Variants in PCDH11X observed in about 807,000 individuals in gnomAD.
PCDH11X encodes the protein protocadherin-11 X-linked.
In PCDH11X, 18 loss-of-function variants were observed where a neutral mutation model predicts 53.3. That is an observed-to-expected ratio of 0.34 (90% CI 0.23 to 0.50). PCDH11X has a LOEUF of 0.50. PCDH11X is among the 20% of genes least tolerant of loss of function. The pLI is 0.98. For synonymous variants in PCDH11X, 279 were observed against 393.3 expected, an observed-to-expected ratio of 0.71 and a Z score of 3.44; for missense variants, 570 against 1,032.4, an observed-to-expected ratio of 0.55 and a Z score of 6.14.
At chrX:92,141,569 G>A (rs1317841414) in intron 6 of PCDH11X, among the ~76,000 whole-genome samples, 4 of 111,776 alleles carry the variant, frequency 3.6e-5, no homozygotes, top group Non-Finnish European at 5.6e-5. Context: ...GATACTTGAC[G>A]AAACAGAAAG....
intron 8 of PCDH11X, among the ~76,000 whole-genome samples, chrX:92,332,626 T>C (rs372589718): frequency 3.7e-4 from 42 of 112,401 alleles, no homozygotes; most frequent in African/African-American, 9.7e-4. Flanking sequence ...AATGACAACT[T>C]ATCCTTACCA....
Position 92,122,026 on chromosome X carries a change from C to G in PCDH11X, c.3034-79349C>G, listed in dbSNP as rs762280394. Reference sequence around the variant, plus strand: ...TGAAACAGAGTCTCACTCTTGTTGCCGAGGCTGGAGAGCAGTGGCACGATC... The same window carrying G: ...TGAAACAGAGTCTCACTCTTGTTGCGGAGGCTGGAGAGCAGTGGCACGATC... On this transcript the variant is annotated intron_variant, in intron 6 of 10. Coordinates refer to ENST00000682573, the MANE Select transcript of PCDH11X (RefSeq NM_032968.5). Among the ~76,000 whole-genome samples the G allele has an allele frequency of 1.7e-4, 17 of 100,651 alleles. No individual in the cohort carries two copies. The East Asian group carries it at 4.0e-3, about 24-fold the overall frequency. 87.4% of individuals were successfully genotyped at this position (100,651 alleles called of 115,157 possible). A position where few individuals can be genotyped will look rare whatever the true frequency, so the allele number is the denominator to read the frequency against.
intron 7 of PCDH11X, among the ~76,000 whole-genome samples, chrX:92,247,173 A>G (rs771008868): frequency 8.9e-4 from 100 of 111,987 alleles, no homozygotes; most frequent in African/African-American, 3.1e-3. Flanking sequence ...AAGCTTGCAC[A>G]TAGTACCAAA....
At chrX:92,101,442 G>A (rs890712493) in intron 6 of PCDH11X, among the ~76,000 whole-genome samples, 2 of 111,427 alleles carry the variant, frequency 1.8e-5, no homozygotes, top group African/African-American at 6.5e-5. Flanking sequence ...AGCTTGGTGA[G>A]GTGTGTTTTT....
At chrX:92,221,302 C>T (rs1216807249) in intron 7 of PCDH11X, among the ~76,000 whole-genome samples, 5 of 104,448 alleles carry the variant, frequency 4.8e-5, no homozygotes, top group South Asian at 4.5e-4. Context: ...CACACACACA[C>T]ACACACACAC....
chrX:92,104,913 C>T (rs1391819522), intron 6 of PCDH11X, among the ~76,000 whole-genome samples: 1 of 110,403 alleles, frequency 9.1e-6, no homozygotes, highest in South Asian at 3.9e-4. Flanking sequence ...CCTAGGAAAG[C>T]GGGACTTGCC....
chrX:91,891,569 T>C (rs1275073697), intron 6 of PCDH11X, among the ~76,000 whole-genome samples: 1 of 101,316 alleles, frequency 9.9e-6, no homozygotes, highest in East Asian at 3.2e-4. Context: ...AGTTTTAGTT[T>C]CGTGCGTTTT....
At chrX:92,552,692 A>T (rs2074979626) in intron 10 of PCDH11X, among the ~76,000 whole-genome samples, 1 of 110,800 alleles carries the variant, frequency 9.0e-6, no homozygotes. Flanking sequence ...CTTTTATTGC[A>T]TTGATGTATG....
intron 8 of PCDH11X, among the ~76,000 whole-genome samples, chrX:92,266,758 A>G (rs1386078021): frequency 1.1e-5 from 1 of 90,274 alleles, no homozygotes; most frequent in Non-Finnish European, 2.1e-5. Context: ...TTTTTTTTTT[A>G]TGTGGAGACA....
intron 10 of PCDH11X, among the ~76,000 whole-genome samples, chrX:92,561,175 T>G (rs1215493267): frequency 3.8e-5 from 4 of 104,207 alleles, no homozygotes; most frequent in Non-Finnish European, 7.8e-5. Flanking sequence ...CTGGATAGCC[T>G]TACCAAGAAG....
chrX:92,084,262 T>C (rs1423401200), intron 6 of PCDH11X, among the ~76,000 whole-genome samples: 3 of 110,415 alleles, frequency 2.7e-5, no homozygotes, highest in Admixed American at 9.7e-5. Flanking sequence ...TTTGGAAGAG[T>C]TCGGGCCGGG....
intron 8 of PCDH11X, among the ~76,000 whole-genome samples, chrX:92,341,474 G>A (rs996968636): frequency 4.5e-5 from 5 of 111,360 alleles, no homozygotes; most frequent in Admixed American, 9.6e-5. Context: ...AGGTTTAATC[G>A]GCTCACAGTT....
chrX:91,830,387 T>A (rs5984829), intron 4 of PCDH11X, among the ~76,000 whole-genome samples: 13,215 of 111,345 alleles, frequency 0.12, 1,954 homozygotes, highest in African/African-American at 0.41. Flanking sequence ...CAAACCAGTC[T>A]TATAATTACT....
In PCDH11X at chrX:92,495,846, C is replaced by T. The variant is rs147808241; in HGVS notation, c.3367+27524C>T. Among the ~76,000 whole-genome samples the T allele has an allele frequency of 5.4e-3, 573 of 106,131 alleles. 52 individuals carry two copies. The highest frequency in any genetic ancestry group is 0.02 in the African/African-American group (546 of 26,922). The allele number at this position is 106,131 out of a possible 115,157, so 92.2% of individuals were successfully genotyped here. ...TGAGACTTACTCACTACCACAAGAGCGGTATGGGGGAAACTGCCCACATGA... is the reference window on the plus strand; with the variant it reads ...TGAGACTTACTCACTACCACAAGAGTGGTATGGGGGAAACTGCCCACATGA... On this transcript the variant is annotated intron_variant, in intron 10 of 10. Coordinates refer to ENST00000682573, the MANE Select transcript of PCDH11X (RefSeq NM_032968.5).
chrX:92,456,444 A>G (rs1346133185), intron 9 of PCDH11X, among the ~76,000 whole-genome samples: 1 of 111,251 alleles, frequency 9.0e-6, no homozygotes, highest in Admixed American at 9.6e-5. Flanking sequence ...AAAGATTTAT[A>G]TCTCCTTCCT....
chrX:92,152,796 T>TATGTATTC (rs71935074), intron 6 of PCDH11X, among the ~76,000 whole-genome samples: 1 of 78,304 alleles, frequency 1.3e-5, no homozygotes, highest in Non-Finnish European at 2.6e-5. Context: ...TGTATGTATG[T>TATGTATTC]ATTTATTTAT....
rs201631027 is a variant in PCDH11X at position 92,469,238 on chromosome X, T to G, written c.3367+916T>G. Among the ~76,000 whole-genome samples the G allele has an allele frequency of 1.7e-3, 180 of 107,538 alleles. 2 individuals are homozygous for G. The highest frequency in any genetic ancestry group is 0.016 in the East Asian group (55 of 3,397). The allele number at this position is 107,538 out of a possible 115,157, so 93.4% of individuals were successfully genotyped here. On this transcript the variant is annotated intron_variant, in intron 10 of 10. Coordinates refer to ENST00000682573, the MANE Select transcript of PCDH11X (RefSeq NM_032968.5). The stretch of plus-strand genomic sequence containing the variant: ...AGAAACTTACCTTTAATCTTTAATT[T>G]TGACATATTAGCAATATTAACAACA...
intron 6 of PCDH11X, among the ~76,000 whole-genome samples, chrX:92,021,613 G>A (rs113638870): frequency 0.04 from 4,087 of 103,107 alleles, 217 homozygotes; most frequent in African/African-American, 0.14. Flanking sequence ...TATTATCCAG[G>A]AGAACTTCCC....
intron 5 of PCDH11X, among the ~76,000 whole-genome samples, chrX:91,841,724 A>T (rs1215675858): frequency 9.1e-6 from 1 of 109,869 alleles, no homozygotes; most frequent in African/African-American, 3.3e-5. Flanking sequence ...ATAATCTAAG[A>T]TTATAAATAT....
Sources: allele counts gnomAD v4.1 joint callset (sites outside exome capture counted in the v4.1 genomes callset), GRCh38; gene constraint gnomAD v4.1.1; transcripts MANE v1.5; gene names NCBI Gene and HGNC (gene_info 2026-07-23, HGNC 2026-07-21).